CPQ: variants seen among roughly 807,000 people sequenced by gnomAD.
CPQ encodes the protein carboxypeptidase Q, also known as Ser-Met dipeptidase.
A neutral mutation model predicts 45.7 loss-of-function variants in CPQ; 37 were observed. The observed-to-expected ratio is 0.81, with a 90% CI of 0.62 to 1.07. The LOEUF (loss-of-function observed/expected upper bound fraction) is 1.07, where lower values mean the gene tolerates loss of function less well. Ranked by LOEUF, CPQ falls within the 50% of genes least tolerant of loss-of-function variation. CPQ has a pLI of 0.00. For missense variants in CPQ, 537 were observed against 572.9 expected (o/e 0.94, Z 0.64); for synonymous variants, 186 against 205.8 (o/e 0.90, Z 0.82).
chr8:96,978,719 C>T (rs977162369), intron 5 of CPQ, among the ~76,000 whole-genome samples: 9 of 152,126 alleles, frequency 5.9e-5, no homozygotes, highest in African/African-American at 2.2e-4. Flanking sequence ...ATCATTTATC[C>T]TGGAGAATAA....
intron 5 of CPQ, among the ~76,000 whole-genome samples, chr8:96,982,555 C>T (rs929905616): frequency 1.3e-5 from 2 of 152,144 alleles, no homozygotes; most frequent in African/African-American, 2.4e-5. Context: ...GTTGCCCAGG[C>T]TGGCCTCAAA....
chr8:96,993,875 A>G (rs1809135074), intron 5 of CPQ, among the ~76,000 whole-genome samples: 1 of 152,168 alleles, frequency 6.6e-6, no homozygotes, highest in South Asian at 2.1e-4. Flanking sequence ...AATAGATTCT[A>G]TAACAGAAAG....
intron 1 of CPQ, among the ~76,000 whole-genome samples, chr8:96,725,926 G>A (rs1319616310): frequency 2.0e-5 from 3 of 152,112 alleles, no homozygotes; most frequent in Admixed American, 2.0e-4. Flanking sequence ...TAATGAAATT[G>A]TGTTATTTGG....
chr8:96,876,346 TACTC>T (rs1812144989), intron 3 of CPQ, among the ~76,000 whole-genome samples: 1 of 152,038 alleles, frequency 6.6e-6, no homozygotes, highest in African/African-American at 2.4e-5. Context: ...AATATTAACT[TACTC>T]AAAAAAAAAG....
chr8:96,963,732 G>C (rs1428452333), intron 4 of CPQ, among the ~76,000 whole-genome samples: 1 of 152,024 alleles, frequency 6.6e-6, no homozygotes, highest in Non-Finnish European at 1.5e-5. Flanking sequence ...AAGTGTATAT[G>C]GTGAACTTTT....
At chr8:97,082,164 T>C (rs1342640400) in intron 7 of CPQ, among the ~76,000 whole-genome samples, 1 of 152,196 alleles carries the variant, frequency 6.6e-6, no homozygotes, top group Non-Finnish European at 1.5e-5. Flanking sequence ...ATTTGAATGC[T>C]GTTAGGACAC....
chr8:96,957,276 A>G (rs568158578), intron 4 of CPQ, among the ~76,000 whole-genome samples: 38 of 152,274 alleles, frequency 2.5e-4, no homozygotes, highest in Admixed American at 9.2e-4. Flanking sequence ...TGCTTTGAGT[A>G]ACTTTCATTT....
chr8:96,754,889 T>G (rs1810311285), intron 1 of CPQ, among the ~76,000 whole-genome samples: 1 of 151,982 alleles, frequency 6.6e-6, no homozygotes. Context: ...TTTAGATTTG[T>G]CAGAACTTTG....
At chr8:96,649,178 T>A (rs944602662) in intron 1 of CPQ, among the ~76,000 whole-genome samples, 14 of 152,200 alleles carry the variant, frequency 9.2e-5, no homozygotes, top group African/African-American at 3.1e-4. Context: ...GACTTTGCCA[T>A]GTGGGCCAGG....
chr8:97,004,351 A>G (rs1346208219), intron 5 of CPQ, among the ~76,000 whole-genome samples: 1 of 152,090 alleles, frequency 6.6e-6, no homozygotes, highest in Non-Finnish European at 1.5e-5. Context: ...CACTGAAATG[A>G]CACTTGTAGT....
intron 1 of CPQ, among the ~76,000 whole-genome samples, chr8:96,734,959 G>GCTCT (rs1271999259): frequency 6.6e-6 from 1 of 151,806 alleles, no homozygotes; most frequent in Non-Finnish European, 1.5e-5. Flanking sequence ...TTGTTTGCAT[G>GCTCT]CTCTCTCTCT....
At chr8:97,050,871 G>T (rs1376649205) in intron 6 of CPQ, among the ~76,000 whole-genome samples, 1 of 152,034 alleles carries the variant, frequency 6.6e-6, no homozygotes, top group Non-Finnish European at 1.5e-5. Flanking sequence ...AGTCACTTTT[G>T]TTGGTAATAA....
At chr8:97,033,298 C>A (rs1286323669) in intron 6 of CPQ, among the ~76,000 whole-genome samples, 1 of 152,106 alleles carries the variant, frequency 6.6e-6, no homozygotes, top group African/African-American at 2.4e-5. Flanking sequence ...GCTGATGGAC[C>A]AAATCCAGCC....
intron 1 of CPQ, among the ~76,000 whole-genome samples, chr8:96,664,238 C>G (rs941821857): frequency 3.3e-5 from 5 of 152,096 alleles, no homozygotes; most frequent in Admixed American, 1.3e-4. Flanking sequence ...ACAGTATGAA[C>G]AGAGTATTTG....
intron 7 of CPQ, among the ~76,000 whole-genome samples, chr8:97,121,639 T>G (rs1056662212): frequency 6.6e-6 from 1 of 152,030 alleles, no homozygotes; most frequent in South Asian, 2.1e-4. Flanking sequence ...ACTAGACATG[T>G]AAAGAAGCAA....
chr8:97,122,941 TAAAATA>T, intron 7 of CPQ, among the ~76,000 whole-genome samples: 1 of 50,028 alleles, frequency 2.0e-5, no homozygotes, highest in Non-Finnish European at 3.1e-5. Context: ...TAAAATAAAA[TAAAATA>T]AAATAAAATA....
At chr8:96,809,084 G>C (rs1811124846) in intron 2 of CPQ, among the ~76,000 whole-genome samples, 1 of 152,114 alleles carries the variant, frequency 6.6e-6, no homozygotes, top group South Asian at 2.1e-4. Flanking sequence ...AGTGCTTTGA[G>C]CTGTTTGACC....
intron 1 of CPQ, among the ~76,000 whole-genome samples, chr8:96,705,751 A>C (rs1809523604): frequency 6.6e-6 from 1 of 151,972 alleles, no homozygotes; most frequent in Admixed American, 6.6e-5. Context: ...ACTTTATCCC[A>C]ATTCCTCTTT....
intron 4 of CPQ, among the ~76,000 whole-genome samples, chr8:96,896,632 C>T: frequency 6.6e-6 from 1 of 152,272 alleles, no homozygotes; most frequent in South Asian, 2.1e-4. Flanking sequence ...ATGGCACCTT[C>T]CCTGAGAAGC....
Sources: gnomAD v4.1 joint callset for allele counts (sites outside exome capture counted in the v4.1 genomes callset) on GRCh38, gnomAD v4.1.1 for gene constraint, MANE v1.5 for transcripts, NCBI Gene and HGNC (gene_info 2026-07-23, HGNC 2026-07-21) for gene names.